Variants in LRRC7 observed in about 807,000 individuals in gnomAD.
LRRC7 encodes the protein leucine-rich repeat-containing protein 7.
Under a neutral mutation model 175.7 loss-of-function variants are expected in LRRC7, and 23 were observed. That is an observed-to-expected ratio of 0.13 (90% CI 0.09 to 0.19). The LOEUF (loss-of-function observed/expected upper bound fraction) is 0.19. Among genes scored for constraint, LRRC7 ranks in the 10% least tolerant of loss-of-function variants. The probability of loss-of-function intolerance (pLI) is 1.00; values close to 1 mark genes in which losing one functional copy is unlikely to be tolerated. For missense variants in LRRC7, 1,354 were observed against 1,904.7 expected (o/e 0.71, Z 5.38); for synonymous variants, 685 against 680.9 (o/e 1.01, Z -0.09).
chr1:69,651,731 A>G lies in LRRC7; in HGVS notation c.3-26650A>G, dbSNP rs1015094848. Among the ~76,000 whole-genome samples, 11 of 152,228 alleles carry G rather than the reference A, an allele frequency of 7.2e-5. 1 individual carries two copies. In the East Asian group the frequency reaches 1.6e-3, roughly 21 times the overall value. On this transcript the variant is annotated intron_variant, in intron 1 of 26. Coordinates refer to ENST00000651989, the MANE Select transcript of LRRC7 (RefSeq NM_001370785.2). ...CTTTACCTGCATCAGCCCATTCCCA[A>G]CACCAAGAGAGAATGTCCTGGCTCC...
rs192530506 is a variant in LRRC7 at position 69,642,935 on chromosome 1, C to T, written c.3-35446C>T. 2.0e-5 allele frequency among the ~76,000 whole-genome samples: 3 copies of T among 152,118 alleles called. No individual in the cohort carries two copies. In the East Asian group the frequency reaches 5.8e-4, roughly 29 times the overall value. ...AAGGCTGAGAAGTCCCATGATATGC[C>T]ATCTGCAGGCTGGAGAGCCAGGAAA... is the stretch of plus-strand genomic sequence containing the variant. On this transcript the variant is annotated intron_variant, in intron 1 of 26. Coordinates refer to ENST00000651989, the MANE Select transcript of LRRC7 (RefSeq NM_001370785.2).
At chr1:69,613,080 T>A (rs1313737631) in intron 1 of LRRC7, among the ~76,000 whole-genome samples, 1 of 152,078 alleles carries the variant, frequency 6.6e-6, no homozygotes, top group African/African-American at 2.4e-5. Flanking sequence ...TCAATCACTG[T>A]CTTAGCCAGT....
At chr1:70,054,128 A>G (rs2102065666) in intron 23 of LRRC7, among the ~76,000 whole-genome samples, 1 of 152,352 alleles carries the variant, frequency 6.6e-6, no homozygotes, top group East Asian at 1.9e-4. Flanking sequence ...GTATTAAACT[A>G]GAAAAATTAT....
At chr1:69,900,703 T>C (rs1646111528) in intron 7 of LRRC7, among the ~76,000 whole-genome samples, 1 of 152,186 alleles carries the variant, frequency 6.6e-6, no homozygotes, top group Non-Finnish European at 1.5e-5. Context: ...GAGCATTTCC[T>C]TTGAGCATCA....
chr1:69,810,577 A>G (rs1372418432), intron 4 of LRRC7, among the ~76,000 whole-genome samples: 1 of 152,186 alleles, frequency 6.6e-6, no homozygotes, highest in African/African-American at 2.4e-5. Flanking sequence ...AAACAGATAT[A>G]TAGACCAATA....
chr1:69,587,987 A>G (rs72671199), intron 1 of LRRC7, among the ~76,000 whole-genome samples: 1 of 152,302 alleles, frequency 6.6e-6, no homozygotes, highest in Non-Finnish European at 1.5e-5. Flanking sequence ...GGCCACACTG[A>G]GCTATCAGGA....
chr1:69,961,245 G>T (rs576970883), intron 8 of LRRC7, among the ~76,000 whole-genome samples: 2 of 152,066 alleles, frequency 1.3e-5, no homozygotes, highest in Non-Finnish European at 2.9e-5. Context: ...GAAATAAAAA[G>T]AATAAAATAC....
chr1:69,773,047 C>T (rs370079187), intron 3 of LRRC7, among the ~76,000 whole-genome samples: 23 of 152,140 alleles, frequency 1.5e-4, no homozygotes, highest in African/African-American at 5.5e-4. Context: ...AACATCTCTA[C>T]TTAAAATGTT....
chr1:69,580,066 A>C (rs1329514822), intron 1 of LRRC7, among the ~76,000 whole-genome samples: 1 of 152,198 alleles, frequency 6.6e-6, no homozygotes, highest in African/African-American at 2.4e-5. Context: ...TCCTCCTGGC[A>C]CATAGGTATT....
chr1:69,610,803 T>A (rs923781068), intron 1 of LRRC7, among the ~76,000 whole-genome samples: 1 of 151,996 alleles, frequency 6.6e-6, no homozygotes, highest in Non-Finnish European at 1.5e-5. Flanking sequence ...AATACTTTTC[T>A]ACACCAAATA....
rs568114924 is a variant in LRRC7 at position 69,842,976 on chromosome 1, A to G, written c.647+4693A>G. 5.3e-5 allele frequency among the ~76,000 whole-genome samples: 8 copies of G among 152,196 alleles called. No individual in the cohort carries two copies. The East Asian group carries it at 1.5e-3, about 29-fold the overall frequency. The stretch of plus-strand genomic sequence containing the variant: ...CACTTTGGGAGACCAAGGCAGGCCA[A>G]TCACTTGAGGTCAGGAGTTTGAGAC... On this transcript the variant is annotated intron_variant, in intron 7 of 26. Coordinates refer to ENST00000651989, the MANE Select transcript of LRRC7 (RefSeq NM_001370785.2).
chr1:69,849,603 A>G (rs1358513254), intron 7 of LRRC7, among the ~76,000 whole-genome samples: 1 of 152,022 alleles, frequency 6.6e-6, no homozygotes, highest in African/African-American at 2.4e-5. Flanking sequence ...AGGAACATCT[A>G]ATACCTAAAA....
chr1:70,019,952 C>T (rs1439686048), intron 15 of LRRC7, among the ~76,000 whole-genome samples: 1 of 151,936 alleles, frequency 6.6e-6, no homozygotes, highest in Non-Finnish European at 1.5e-5. Context: ...ATCTCATATT[C>T]ACTGGTCATT....
At chr1:69,858,398 C>T (rs1316963663) in intron 7 of LRRC7, among the ~76,000 whole-genome samples, 1 of 152,052 alleles carries the variant, frequency 6.6e-6, no homozygotes, top group Non-Finnish European at 1.5e-5. Flanking sequence ...CTACGAAGAA[C>T]TCAAAGAAAT....
chr1:70,091,318 G>T (rs946020645), intron 25 of LRRC7, among the ~76,000 whole-genome samples: 1 of 152,088 alleles, frequency 6.6e-6, no homozygotes, highest in Non-Finnish European at 1.5e-5. Flanking sequence ...GAAGCATGAT[G>T]ACATTTTTTA....
intron 1 of LRRC7, chr1:69,608,163 T>C (rs572578276): frequency 6.6e-6 from 1 of 152,606 alleles, no homozygotes; most frequent in East Asian, 1.9e-4. Flanking sequence ...TTCAATAATA[T>C]ACAAGTGTCG....
chr1:70,038,218 G>A lies in LRRC7; in HGVS notation c.2394G>A (p.Met798Ile), dbSNP rs568596228. The change falls in exon 21 of 27, where the codon ATG becomes ATA. Residue 798 changes from methionine (M) to isoleucine (I), a missense_variant. By Grantham distance (10) the Met-to-Ile change is conservative (BLOSUM62 1). Coordinates refer to ENST00000651989, the MANE Select transcript of LRRC7 (RefSeq NM_001370785.2). Reference protein sequence around the residue: ...NIPQRPDRLPMSDTFTDNWTD... With the variant: ...NIPQRPDRLPISDTFTDNWTD... ...CACAGCGTCCTGACCGGCTGCCCAT[G>A]AGTGATACTTTCACTGACAACTGGA... 7.4e-6 allele frequency: 12 copies of A among 1,614,146 alleles called. No individual in the cohort carries two copies. The South Asian group carries it at 7.7e-5, about 10-fold the overall frequency.
intron 7 of LRRC7, among the ~76,000 whole-genome samples, chr1:69,931,171 A>G (rs1647334334): frequency 6.6e-6 from 1 of 152,202 alleles, no homozygotes; most frequent in African/African-American, 2.4e-5. Context: ...GGTTTCAGCC[A>G]TTGATTCCCA....
intron 26 of LRRC7, among the ~76,000 whole-genome samples, chr1:70,118,089 A>ATG (rs1571371429): frequency 7.6e-4 from 115 of 151,610 alleles, no homozygotes; most frequent in African/African-American, 2.5e-3. Context: ...ACACACACAC[A>ATG]CACGCACACG....
Sources: allele counts gnomAD v4.1 joint callset (sites outside exome capture counted in the v4.1 genomes callset), GRCh38; gene constraint gnomAD v4.1.1; transcripts MANE v1.5; gene names NCBI Gene and HGNC (gene_info 2026-07-23, HGNC 2026-07-21).